AGMO: variants seen among roughly 807,000 people sequenced by gnomAD.
AGMO encodes the protein alkylglycerol monooxygenase, also known as glyceryl-ether monooxygenase.
In AGMO, 75 loss-of-function variants were observed where a neutral mutation model predicts 60.2. That is an observed-to-expected ratio of 1.25 (90% CI 1.03 to 1.51). AGMO has a LOEUF of 1.51. AGMO is among the 40% of genes most tolerant of loss of function. The probability of loss-of-function intolerance (pLI) is 0.00; values close to 1 mark genes in which losing one functional copy is unlikely to be tolerated. For missense variants in AGMO, 763 were observed against 525.5 expected (o/e 1.45, Z -4.42); for synonymous variants, 261 against 177.1 (o/e 1.47, Z -3.76).
At position 15,368,361 on chromosome 7, in the gene AGMO, A is replaced by C. The variant is rs183190966; in HGVS notation, c.1075-2139T>G. ...TGTTACTTTGTTTGATTAAAATGGC[A>C]TCTCTCACTATATTGCTTCATTGTG... is the stretch of plus-strand genomic sequence containing the variant. On this transcript the variant is annotated intron_variant, in intron 10 of 12. Transcript: ENST00000342526. Among the ~76,000 whole-genome samples, 39 of 151,928 alleles carry C rather than the reference A, an allele frequency of 2.6e-4. No individual in the cohort carries two copies. In the East Asian group the frequency reaches 6.2e-3, roughly 24 times the overall value.
At chr7:15,316,449 C>A (rs1234442222) in intron 12 of AGMO, among the ~76,000 whole-genome samples, 1 of 152,130 alleles carries the variant, frequency 6.6e-6, no homozygotes, top group Non-Finnish European at 1.5e-5. Flanking sequence ...CTCATTGAGT[C>A]TGAAACAAAG....
At chr7:15,277,532 A>T (rs1563066598) in intron 12 of AGMO, among the ~76,000 whole-genome samples, 1 of 148,792 alleles carries the variant, frequency 6.7e-6, no homozygotes, top group African/African-American at 2.5e-5. Context: ...TTTGGATTGG[A>T]TTTTTTTTTT....
At chr7:15,481,782 T>C (rs563764313) in intron 3 of AGMO, among the ~76,000 whole-genome samples, 2 of 140,258 alleles carry the variant, frequency 1.4e-5, no homozygotes, top group East Asian at 4.1e-4. Context: ...TTTCTGGGAC[T>C]AAATGTATTT....
intron 12 of AGMO, among the ~76,000 whole-genome samples, chr7:15,217,361 CTCTG>C (rs1200830776): frequency 6.4e-5 from 9 of 140,142 alleles, no homozygotes; most frequent in African/African-American, 1.1e-4. Flanking sequence ...CTCTCTCTCT[CTCTG>C]TGTGTGTCTC....
intron 3 of AGMO, among the ~76,000 whole-genome samples, chr7:15,495,839 TCTC>T (rs1783210218): frequency 2.2e-5 from 3 of 136,250 alleles, no homozygotes; most frequent in South Asian, 4.3e-4. Context: ...TCTCTCTCTC[TCTC>T]CTCTCTCTCT....
chr7:15,169,738 C>G, the AGMO span, among the ~76,000 whole-genome samples: 2 of 151,996 alleles, frequency 1.3e-5, no homozygotes, highest in African/African-American at 4.8e-5. Context: ...CACTGGCCAA[C>G]TGGTGTCTTT....
chr7:15,297,290 A>G (rs1297447786), intron 12 of AGMO, among the ~76,000 whole-genome samples: 1 of 152,202 alleles, frequency 6.6e-6, no homozygotes, highest in Admixed American at 6.5e-5. Flanking sequence ...GTGAAAATGG[A>G]AAATAATTTT....
chr7:15,306,513 T>C (rs910080987), intron 12 of AGMO: 1 of 469,358 alleles, frequency 2.1e-6, no homozygotes, highest in African/African-American at 2.0e-5. Context: ...ACTTAAAAGT[T>C]CTCCAAAGTT....
chr7:15,238,797 G>A (rs866074008), intron 12 of AGMO, among the ~76,000 whole-genome samples: 11 of 151,994 alleles, frequency 7.2e-5, no homozygotes, highest in Middle Eastern at 6.8e-3. Context: ...TCCCTTTTAT[G>A]CAATAAAATG....
the AGMO span, among the ~76,000 whole-genome samples, chr7:15,186,115 C>CT: frequency 8.5e-5 from 13 of 152,154 alleles, no homozygotes; most frequent in Non-Finnish European, 1.0e-4. Flanking sequence ...GTCGGAGACT[C>CT]TCCCCCTTAT....
rs1784269111 is a variant in AGMO, at chr7:15,394,134, TAGGAGTATTAAGAATCAGTTCCAA to T, written c.631_654del (p.Leu211_Pro218del). On this transcript the variant is annotated inframe_deletion, in exon 6 of 13. Transcript: ENST00000342526. ...TTACCATGATGAACCCTATGATGGC[TAGGAGTATTAAGAATCAGTTCCAA>T]AGGACCAAGGTTATTGATGACCTGT... 1 of 1,612,048 alleles carries T rather than the reference TAGGAGTATTAAGAATCAGTTCCAA, an allele frequency of 6.2e-7. No homozygotes were observed. The highest frequency in any genetic ancestry group is 1.7e-5 in the Admixed American group (1 of 59,920).
chr7:15,234,948 T>C lies in AGMO; in HGVS notation c.1264-33589A>G, dbSNP rs192682111. ...ATAAAGATCTGGTCTCTCCCTACTT[T>C]TTCCGTTTTAGCTTTTCCTAATCTT... On this transcript the variant is annotated intron_variant, in intron 12 of 12. Coordinates refer to ENST00000342526, the MANE Select transcript of AGMO (RefSeq NM_001004320.2). Among the ~76,000 whole-genome samples, 415 of 152,266 alleles carry C rather than the reference T, an allele frequency of 2.7e-3. 1 individual carries two copies. Among genetic ancestry groups the C allele is most frequent in the Admixed American group, 7.1e-3 (108 of 15,296 alleles).
chr7:15,187,647 G>T, the AGMO span, among the ~76,000 whole-genome samples: 3 of 152,236 alleles, frequency 2.0e-5, no homozygotes, highest in East Asian at 5.8e-4. Flanking sequence ...CAATTAATAT[G>T]TGTATGTGTG....
chr7:15,453,802 G>A (rs959807260), intron 3 of AGMO, among the ~76,000 whole-genome samples: 2 of 151,914 alleles, frequency 1.3e-5, no homozygotes, highest in African/African-American at 4.8e-5. Flanking sequence ...CACAGACGTG[G>A]CTTCTCATCC....
At chr7:15,446,690 A>T (rs1469480590) in intron 3 of AGMO, among the ~76,000 whole-genome samples, 2 of 152,242 alleles carry the variant, frequency 1.3e-5, no homozygotes, top group Non-Finnish European at 2.9e-5. Context: ...TGGCAATTTA[A>T]GTAATTTCAG....
intron 10 of AGMO, among the ~76,000 whole-genome samples, chr7:15,384,222 C>T (rs1026564015): frequency 6.6e-6 from 1 of 152,190 alleles, no homozygotes; most frequent in African/African-American, 2.4e-5. Context: ...CAGGCATGAG[C>T]CACCACGCCC....
the AGMO span, among the ~76,000 whole-genome samples, chr7:15,176,250 G>T: frequency 6.6e-6 from 1 of 151,702 alleles, no homozygotes; most frequent in Non-Finnish European, 1.5e-5. Context: ...TGTTTCTTCG[G>T]GCTTTGTTCC....
chr7:15,473,507 C>T (rs1052299682), intron 3 of AGMO, among the ~76,000 whole-genome samples: 1 of 151,948 alleles, frequency 6.6e-6, no homozygotes, highest in African/African-American at 2.4e-5. Flanking sequence ...CAATAAAATT[C>T]AACACAACTT....
intron 12 of AGMO, among the ~76,000 whole-genome samples, chr7:15,289,556 G>C (rs1695992715): frequency 6.6e-6 from 1 of 151,820 alleles, no homozygotes; most frequent in Non-Finnish European, 1.5e-5. Flanking sequence ...GAAATTTAAA[G>C]GTCTAATTGC....
Sources: allele counts gnomAD v4.1 joint callset (sites outside exome capture counted in the v4.1 genomes callset), GRCh38; gene constraint gnomAD v4.1.1; transcripts MANE v1.5; gene names NCBI Gene and HGNC (gene_info 2026-07-23, HGNC 2026-07-21).